DACH2: variants seen among roughly 807,000 people sequenced by gnomAD.
DACH2 encodes the protein dachshund homolog 2.
A neutral mutation model predicts 35.8 loss-of-function variants in DACH2; 17 were observed. The ratio of observed to expected loss-of-function variants is 0.48; its 90% CI spans 0.33 to 0.71. DACH2 has a LOEUF of 0.71. Ranked by LOEUF, DACH2 falls within the 30% of genes least tolerant of loss-of-function variation. The probability of loss-of-function intolerance (pLI) is 0.02; values close to 1 mark genes in which losing one functional copy is unlikely to be tolerated. For missense variants in DACH2, 469 were observed against 472.7 expected (o/e 0.99, Z 0.07); for synonymous variants, 195 against 177.3 (o/e 1.10, Z -0.79).
At chrX:86,634,216 T>C (rs2040235737) in intron 3 of DACH2, among the ~76,000 whole-genome samples, 1 of 111,457 alleles carries the variant, frequency 9.0e-6, no homozygotes, top group Non-Finnish European at 1.9e-5. Flanking sequence ...CATTATCCAA[T>C]CACCTCCCAC....
chrX:86,363,469 G>T (rs2035765766), intron 1 of DACH2, among the ~76,000 whole-genome samples: 2 of 110,798 alleles, frequency 1.8e-5, no homozygotes, highest in Admixed American at 9.7e-5. Context: ...GATCCTATTG[G>T]TACGGTCATA....
At chrX:86,806,652 T>G (rs1300328391) in intron 7 of DACH2, among the ~76,000 whole-genome samples, 1 of 112,272 alleles carries the variant, frequency 8.9e-6, no homozygotes, top group East Asian at 2.8e-4. Flanking sequence ...ACAAAGTTTT[T>G]ATTGTATTTT....
chrX:86,723,264 A>C (rs202077575), intron 6 of DACH2, among the ~76,000 whole-genome samples: 1 of 107,847 alleles, frequency 9.3e-6, no homozygotes, highest in East Asian at 2.9e-4. Context: ...CTAATTTCTC[A>C]TGTTGGTTTT....
chrX:86,444,390 A>G (rs775229609), intron 2 of DACH2, among the ~76,000 whole-genome samples: 1 of 111,812 alleles, frequency 8.9e-6, no homozygotes, highest in Non-Finnish European at 1.9e-5. Flanking sequence ...GTGTGTGGCT[A>G]GTTCTTCCTT....
intron 3 of DACH2, among the ~76,000 whole-genome samples, chrX:86,539,818 A>G (rs994418684): frequency 9.0e-6 from 1 of 111,597 alleles, no homozygotes; most frequent in Non-Finnish European, 1.9e-5. Flanking sequence ...ACAACTTAGC[A>G]TAGTGTCTGG....
At chrX:86,222,821 G>A (rs5968834) in intron 1 of DACH2, among the ~76,000 whole-genome samples, 19,836 of 109,990 alleles carry the variant, frequency 0.18, 4,379 homozygotes, top group African/African-American at 0.62. Context: ...GGGAAGGAGG[G>A]GAAAAGTATG....
At chrX:86,759,244 A>G (rs1438008789) in intron 7 of DACH2, among the ~76,000 whole-genome samples, 1 of 111,897 alleles carries the variant, frequency 8.9e-6, no homozygotes, top group Non-Finnish European at 1.9e-5. Flanking sequence ...TGTATTGAAG[A>G]CTATCTCTGT....
At chrX:86,758,096 A>G (rs1228377583) in intron 7 of DACH2, among the ~76,000 whole-genome samples, 1 of 111,550 alleles carries the variant, frequency 9.0e-6, no homozygotes, top group Non-Finnish European at 1.9e-5. Context: ...CTACATTCTT[A>G]ATGTTAATAT....
At chrX:86,757,496 C>G (rs140328249) in intron 7 of DACH2, among the ~76,000 whole-genome samples, 1 of 111,894 alleles carries the variant, frequency 8.9e-6, no homozygotes, top group African/African-American at 3.2e-5. Context: ...GCCATCTGGT[C>G]CTGGACTTTT....
chrX:86,646,113 G>A (rs1480531726), intron 3 of DACH2, among the ~76,000 whole-genome samples: 1 of 111,628 alleles, frequency 9.0e-6, no homozygotes, highest in East Asian at 2.8e-4. Context: ...CTATTTAGCT[G>A]TAAGAAAGAA....
At chrX:86,305,282 G>A (rs17004174) in intron 1 of DACH2, among the ~76,000 whole-genome samples, 3,937 of 111,706 alleles carry the variant, frequency 0.035, 185 homozygotes, top group African/African-American at 0.12. Flanking sequence ...CAGCTCCTTA[G>A]CGGTCAGCCA....
rs575532812 is a variant in DACH2 at position 86,158,845 on chromosome X, C to T, written c.488+9737C>T. On this transcript the variant is annotated intron_variant, in intron 1 of 11. Transcript: ENST00000373125. ...TAAACATTAGACTTTTTTCAGTCTT[C>T]GGAATTATACCAGAAAAGTCCAACT... Among the ~76,000 whole-genome samples the T allele has an allele frequency of 8.1e-4, 85 of 104,669 alleles. No individual in the cohort carries two copies. The South Asian group carries it at 0.031, about 38-fold the overall frequency. 90.9% of individuals were successfully genotyped at this position (104,669 alleles called of 115,157 possible). A position where few individuals can be genotyped will look rare whatever the true frequency, so the allele number is the denominator to read the frequency against.
intron 2 of DACH2, among the ~76,000 whole-genome samples, chrX:86,469,419 T>C (rs1480457051): frequency 1.8e-5 from 2 of 111,244 alleles, no homozygotes; most frequent in African/African-American, 6.5e-5. Context: ...CATTCCCCAA[T>C]GTATATTTAA....
chrX:86,332,690 T>A (rs1399073220), intron 1 of DACH2, among the ~76,000 whole-genome samples: 1 of 111,864 alleles, frequency 8.9e-6, no homozygotes, highest in Non-Finnish European at 1.9e-5. Flanking sequence ...TAGTAAAAAT[T>A]ATACCAAATT....
intron 4 of DACH2, among the ~76,000 whole-genome samples, chrX:86,691,193 G>T (rs2041006404): frequency 9.0e-6 from 1 of 111,276 alleles, no homozygotes; most frequent in Non-Finnish European, 1.9e-5. Context: ...AGTATGGTCT[G>T]GTTCTGACAA....
At chrX:86,233,864 C>A (rs2033001417) in intron 1 of DACH2, among the ~76,000 whole-genome samples, 1 of 111,789 alleles carries the variant, frequency 8.9e-6, no homozygotes, top group Non-Finnish European at 1.9e-5. Context: ...TTATTCACTA[C>A]CATGAGAACA....
At chrX:86,411,128 G>A (rs1043986760) in intron 2 of DACH2, among the ~76,000 whole-genome samples, 1 of 101,856 alleles carries the variant, frequency 9.8e-6, no homozygotes, top group African/African-American at 3.6e-5. Flanking sequence ...TGAGCAAGGA[G>A]AGCCAGTCCA....
At position 86,753,938 on chromosome X, in the gene DACH2, T is replaced by TAA. The variant is rs202047286; in HGVS notation, c.1240+14068_1240+14069dup. Among the ~76,000 whole-genome samples, 172 of 94,129 alleles carry TAA rather than the reference T, an allele frequency of 1.8e-3. 1 individual carries two copies. Among genetic ancestry groups the TAA allele is most frequent in the African/African-American group, 4.6e-3 (119 of 25,938 alleles). The allele number at this position is 94,129 out of a possible 115,157, so 81.7% of individuals were successfully genotyped here. A position where few individuals can be genotyped will look rare whatever the true frequency, so the allele number is the denominator to read the frequency against. On this transcript the variant is annotated intron_variant, in intron 7 of 11. Transcript: ENST00000373125. ...AACTGAACCAAATATGAGCTCACAA[T>TAA]AAAAAAAAAAAAACAAATGTTCAAA...
At chrX:86,398,484 G>T (rs1420993321) in intron 2 of DACH2, among the ~76,000 whole-genome samples, 2 of 111,222 alleles carry the variant, frequency 1.8e-5, no homozygotes, top group African/African-American at 6.5e-5. Context: ...GTGATGTTAG[G>T]GTGTCAATTT....
Sources: allele counts gnomAD v4.1 joint callset (sites outside exome capture counted in the v4.1 genomes callset), GRCh38; gene constraint gnomAD v4.1.1; transcripts MANE v1.5; gene names NCBI Gene and HGNC (gene_info 2026-07-23, HGNC 2026-07-21).